Variants in EFCAB6 observed in about 807,000 individuals in gnomAD.
The protein encoded by EFCAB6 is EF-hand calcium binding domain 6.
A neutral mutation model predicts 169.8 loss-of-function variants in EFCAB6; 156 were observed. The observed-to-expected ratio is 0.92, with a 90% CI of 0.81 to 1.05. The LOEUF is 1.05. Ranked by LOEUF, EFCAB6 falls within the 50% of genes least tolerant of loss-of-function variation. EFCAB6 has a pLI of 0.00. For missense variants in EFCAB6, 1,800 were observed against 1,829.1 expected (o/e 0.98, Z 0.29); for synonymous variants, 698 against 676.4 (o/e 1.03, Z -0.50).
At chr22:43,737,740 CAT>C (rs1306357498) in intron 6 of EFCAB6, among the ~76,000 whole-genome samples, 3 of 150,560 alleles carry the variant, frequency 2.0e-5, no homozygotes, top group African/African-American at 7.3e-5. Flanking sequence ...CACACACACA[CAT>C]GCACAGATAC....
At chr22:43,791,263 C>T (rs544539193) in intron 2 of EFCAB6, among the ~76,000 whole-genome samples, 2 of 151,844 alleles carry the variant, frequency 1.3e-5, no homozygotes, top group South Asian at 2.1e-4. Context: ...GTCCCAGCTA[C>T]GCAGGAGGCT....
chr22:43,616,958 T>C (rs2053733583), intron 20 of EFCAB6, among the ~76,000 whole-genome samples: 1 of 152,222 alleles, frequency 6.6e-6, no homozygotes, highest in African/African-American at 2.4e-5. Flanking sequence ...GCTGTCTCTC[T>C]CCACTCTCTT....
chr22:43,613,991 C>T (rs2053509285), intron 21 of EFCAB6, among the ~76,000 whole-genome samples: 1 of 151,830 alleles, frequency 6.6e-6, no homozygotes, highest in Non-Finnish European at 1.5e-5. Context: ...AACTACAAAA[C>T]TCTGACGAGA....
At chr22:43,693,515 T>C (rs1443446802) in intron 10 of EFCAB6, among the ~76,000 whole-genome samples, 2 of 148,766 alleles carry the variant, frequency 1.3e-5, no homozygotes, top group East Asian at 3.9e-4. Context: ...TGATGATTAC[T>C]AAGTGCTATG....
rs2054664829 is a variant in EFCAB6 at position 43,628,273 on chromosome 22, C to T, written c.2233-1594G>A. Among the ~76,000 whole-genome samples the T allele has an allele frequency of 2.6e-5, 4 of 152,144 alleles. No individual in the cohort carries two copies. In the South Asian group the frequency reaches 8.3e-4, roughly 31 times the overall value. ...CTCAGACACAAACCTGGGAGCCCTT[C>T]TGAGCCCTCGCTTCCTCTCACACCC... is the stretch of plus-strand genomic sequence containing the variant. On this transcript the variant is annotated intron_variant, in intron 19 of 31. Coordinates refer to ENST00000262726, the MANE Select transcript of EFCAB6 (RefSeq NM_022785.4). The surrounding 1 kb of genome is among the most constrained non-coding windows in gnomAD (Gnocchi z 4.8).
rs1180474547 is a variant in EFCAB6 at position 43,626,477 on chromosome 22, C to T, written c.2435G>A (p.Arg812Lys). ...GAGTCTTTGAGGCGCTTCATCTGTT[C>T]TCCATGGTCTCTTCTCACACAAATT... is the stretch of plus-strand genomic sequence containing the variant. Reference protein sequence around the residue: ...FQNLCEKRPWRTDEAPQRLIR... With the variant: ...FQNLCEKRPWKTDEAPQRLIR... Residue 812 changes from arginine to lysine, a missense_variant, in exon 20 of 32, where the codon AGA becomes AAA. Arg to Lys is a conservative substitution (Grantham distance 26). Transcript: ENST00000262726. 1 of 1,614,090 alleles carries T rather than the reference C, an allele frequency of 6.2e-7. No individual in the cohort carries two copies. Among genetic ancestry groups the T allele is most frequent in the East Asian group, 2.2e-5 (1 of 44,898 alleles).
chr22:43,643,331 C>A (rs1006292348), intron 17 of EFCAB6, among the ~76,000 whole-genome samples: 5 of 152,216 alleles, frequency 3.3e-5, no homozygotes, highest in Non-Finnish European at 7.3e-5. Flanking sequence ...ACGAGTTGGT[C>A]GGACTCCACG....
intron 26 of EFCAB6, among the ~76,000 whole-genome samples, chr22:43,555,951 C>T (rs557243021): frequency 2.6e-5 from 4 of 152,326 alleles, no homozygotes; most frequent in South Asian, 2.1e-4. Context: ...AGGAGGGGCC[C>T]GCAGAGGGCG....
At chr22:43,767,489 G>A (rs2061353845) in intron 4 of EFCAB6, among the ~76,000 whole-genome samples, 2 of 152,204 alleles carry the variant, frequency 1.3e-5, no homozygotes, top group African/African-American at 4.8e-5. Context: ...GTGATAAGAG[G>A]AAATGAGGAA....
intron 17 of EFCAB6, among the ~76,000 whole-genome samples, chr22:43,642,433 T>C (rs1366350488): frequency 6.6e-6 from 1 of 150,854 alleles, no homozygotes; most frequent in Non-Finnish European, 1.5e-5. Context: ...ATTTCAGACA[T>C]GCTCTGTCTC....
intron 10 of EFCAB6, among the ~76,000 whole-genome samples, chr22:43,701,669 A>T (rs972674175): frequency 1.3e-4 from 19 of 151,778 alleles, no homozygotes; most frequent in South Asian, 2.1e-4. Context: ...ATTTGGAAAA[A>T]TTTTTTTTAA....
intron 2 of EFCAB6, among the ~76,000 whole-genome samples, chr22:43,796,132 A>G (rs1217527418): frequency 6.6e-6 from 1 of 152,020 alleles, no homozygotes; most frequent in Non-Finnish European, 1.5e-5. Flanking sequence ...CCCACCATTC[A>G]GGGTAGAAGT....
At chr22:43,550,632 A>G (rs968980119) in intron 27 of EFCAB6, among the ~76,000 whole-genome samples, 2 of 150,864 alleles carry the variant, frequency 1.3e-5, no homozygotes, top group African/African-American at 4.9e-5. Context: ...AGTTTGCACC[A>G]CTGCACTCCG....
chr22:43,631,674 C>G (rs990111408), intron 19 of EFCAB6, among the ~76,000 whole-genome samples: 1 of 152,026 alleles, frequency 6.6e-6, no homozygotes, highest in Non-Finnish European at 1.5e-5. Context: ...GGGATTAGAC[C>G]GAGCTCCCTG....
Position 43,735,874 on chromosome 22 carries a change from T to G in EFCAB6, c.627A>C (p.Arg209Ser), listed in dbSNP as rs749985617. The change falls in exon 7 of 32, where the codon AGA becomes AGC. Residue 209 changes from arginine (R) to serine (S), a missense_variant. By Grantham distance (110) the Arg-to-Ser change is moderately radical (BLOSUM62 -1). Coordinates refer to ENST00000262726, the MANE Select transcript of EFCAB6 (RefSeq NM_022785.4). ...TTGCTTACTTTTCGTATTCCTCGTC[T>G]CTTAACTTCATACAGAAGGTCTCCA... is the stretch of plus-strand genomic sequence containing the variant. Reference protein sequence around the residue: ...RVLETFCMKLRDEEYEKFSKH... With the variant: ...RVLETFCMKLSDEEYEKFSKH... 1 of 1,613,792 alleles carries G rather than the reference T, an allele frequency of 6.2e-7. No individual in the cohort carries two copies. The highest frequency in any genetic ancestry group is 1.7e-5 in the Admixed American group (1 of 59,914).
chr22:43,632,773 G>A (rs2055077527), intron 18 of EFCAB6, among the ~76,000 whole-genome samples: 1 of 152,162 alleles, frequency 6.6e-6, no homozygotes, highest in African/African-American at 2.4e-5. Context: ...CCATGCTGCA[G>A]ACTGTGGGGC....
intron 17 of EFCAB6, among the ~76,000 whole-genome samples, chr22:43,636,609 CTTTT>C (rs907909699): frequency 2.1e-4 from 26 of 126,282 alleles, no homozygotes; most frequent in East Asian, 6.7e-4. Flanking sequence ...CAGTTCTTTT[CTTTT>C]TTTTTTTTTT....
chr22:43,677,404 T>C (rs2057806345), intron 13 of EFCAB6, among the ~76,000 whole-genome samples: 1 of 152,086 alleles, frequency 6.6e-6, no homozygotes, highest in African/African-American at 2.4e-5. Context: ...TCCCAGCACT[T>C]TGGGAGGCCG....
At chr22:43,638,172 G>A (rs963297992) in intron 17 of EFCAB6, among the ~76,000 whole-genome samples, 6 of 152,216 alleles carry the variant, frequency 3.9e-5, no homozygotes, top group East Asian at 3.9e-4. Flanking sequence ...TGCCTCTTCC[G>A]AGGCTCCCCT....
Sources: gnomAD v4.1 joint callset for allele counts (sites outside exome capture counted in the v4.1 genomes callset) on GRCh38, gnomAD v4.1.1 for gene constraint, Gnocchi (gnomAD v3.1) non-coding constraint, MANE v1.5 for transcripts, NCBI Gene and HGNC (gene_info 2026-07-23, HGNC 2026-07-21) for gene names.